The following DENND11 variants were observed in gnomAD, a reference collection of about 807,000 sequenced individuals.
The protein encoded by DENND11 is DENN domain-containing protein 11.
In DENND11, 34 loss-of-function variants were observed where a neutral mutation model predicts 49.2. The ratio of observed to expected loss-of-function variants is 0.69; its 90% CI spans 0.53 to 0.92. The LOEUF (loss-of-function observed/expected upper bound fraction) is 0.92. Ranked by LOEUF, DENND11 falls within the 40% of genes least tolerant of loss-of-function variation. The probability of loss-of-function intolerance (pLI) is 0.00; values close to 1 mark genes in which losing one functional copy is unlikely to be tolerated. For missense variants in DENND11, 475 were observed against 581.6 expected (o/e 0.82, Z 1.88); for synonymous variants, 238 against 230.3 (o/e 1.03, Z -0.30).
intron 1 of DENND11, among the ~76,000 whole-genome samples, chr7:141,689,769 T>G (rs1798296222): frequency 6.6e-6 from 1 of 152,218 alleles, no homozygotes; most frequent in South Asian, 2.1e-4. Flanking sequence ...TGAATTAGCT[T>G]AGCCTCTTCT....
chr7:141,694,295 GGATTGCCCA>G (rs1234048312), intron 1 of DENND11, among the ~76,000 whole-genome samples: 3 of 152,056 alleles, frequency 2.0e-5, no homozygotes, highest in Non-Finnish European at 4.4e-5. Flanking sequence ...TTAAGAGACA[GGATTGCCCA>G]GGCTGGAGTG....
chr7:141,686,186 T>TA (rs1160440908), intron 2 of DENND11, among the ~76,000 whole-genome samples: 5 of 152,172 alleles, frequency 3.3e-5, no homozygotes, highest in Non-Finnish European at 5.9e-5. Flanking sequence ...TACACAGGAC[T>TA]AAAAAATGGC....
At chr7:141,674,771 A>G (rs777631067) in intron 3 of DENND11, among the ~76,000 whole-genome samples, 7 of 152,204 alleles carry the variant, frequency 4.6e-5, no homozygotes, top group Non-Finnish European at 8.8e-5. Flanking sequence ...ATAATAATAA[A>G]GAAATAAAAA....
intron 3 of DENND11, among the ~76,000 whole-genome samples, chr7:141,684,538 ATTT>A (rs929711040): frequency 6.6e-5 from 10 of 152,184 alleles, no homozygotes; most frequent in African/African-American, 2.4e-4. Flanking sequence ...ATATGAGAGG[ATTT>A]TTAAAAATCC....
rs1448455258 is a variant in DENND11, at chr7:141,701,998, G to C, written c.156C>G (p.Pro52=). The C allele has an allele frequency of 1.8e-6, 2 of 1,137,720 alleles. No homozygotes were observed. The highest frequency in any genetic ancestry group is 1.6e-5 in the African/African-American group (1 of 60,676). The allele number at this position is 1,137,720 out of a possible 1,614,324, so 70.5% of individuals were successfully genotyped here. ...GCACCTCCGGGGCGGCCGGCTCCTCGGGCTCCCGCCTCCGGGGCGGCTCCG... is the reference window on the plus strand; with the variant it reads ...GCACCTCCGGGGCGGCCGGCTCCTCCGGCTCCCGCCTCCGGGGCGGCTCCG... ...PAAEPPRRRE[P]EEPAAPEVLL... Residue 52 remains proline (P), a synonymous_variant, in exon 1 of 9, where the codon CCC becomes CCG. Transcript: ENST00000536163.
chr7:141,697,930 A>G (rs1798442325), intron 1 of DENND11, among the ~76,000 whole-genome samples: 1 of 152,206 alleles, frequency 6.6e-6, no homozygotes, highest in Non-Finnish European at 1.5e-5. Flanking sequence ...GTAGAAATTC[A>G]TTCCCAAGAA....
chr7:141,682,347 A>C (rs1158487759), intron 3 of DENND11, among the ~76,000 whole-genome samples: 4 of 152,172 alleles, frequency 2.6e-5, no homozygotes, highest in Non-Finnish European at 5.9e-5. Flanking sequence ...ACTTTTTCTC[A>C]AAGTCAAGTC....
intron 1 of DENND11, 97 bp downstream of exon 1, chr7:141,701,789 A>C: frequency 4.1e-6 from 4 of 981,096 alleles, no homozygotes; most frequent in African/African-American, 1.7e-5. Context: ...CGGGGCCGGG[A>C]GGGCAGGTGC....
intron 2 of DENND11, among the ~76,000 whole-genome samples, chr7:141,686,180 C>T (rs1032345180): frequency 6.6e-6 from 1 of 152,186 alleles, no homozygotes; most frequent in Admixed American, 6.5e-5. Context: ...CCCCACTACA[C>T]AGGACTAAAA....
chr7:141,662,812 C>A lies in DENND11; in HGVS notation c.1212G>T (p.Leu404Phe), dbSNP rs1233309300. Residue 404 changes from leucine to phenylalanine, a missense_variant, in exon 9 of 9, where the codon TTG (leucine) becomes TTT (phenylalanine). Transcript: ENST00000536163. ...TGTCTTGACTGGCAGACACCTCCAA[C>A]AAAGTCTGAAATATCCGGTTGTTTT... ...LEQNNRIFQT[L>F]LEVSASQDKT... 1.3e-6 allele frequency: 2 copies of A among 1,587,960 alleles called. No individual in the cohort carries two copies. The highest frequency in any genetic ancestry group is 1.7e-6 in the Non-Finnish European group (2 of 1,166,724).
chr7:141,670,135 T>C (rs932617094), intron 4 of DENND11, among the ~76,000 whole-genome samples: 1 of 152,074 alleles, frequency 6.6e-6, no homozygotes, highest in Admixed American at 6.5e-5. Context: ...TTAAGTACTG[T>C]CATTTTTTTT....
At chr7:141,680,346 T>C (rs1004554053) in intron 3 of DENND11, among the ~76,000 whole-genome samples, 1 of 152,012 alleles carries the variant, frequency 6.6e-6, no homozygotes, top group Non-Finnish European at 1.5e-5. Flanking sequence ...AGAATATACA[T>C]TTGTATTTGT....
chr7:141,674,549 G>C (rs1798036601), intron 3 of DENND11, among the ~76,000 whole-genome samples: 1 of 152,140 alleles, frequency 6.6e-6, no homozygotes, highest in Admixed American at 6.5e-5. Flanking sequence ...CGGAGACTGG[G>C]TGCCACTTCC....
At chr7:141,686,537 A>C in intron 2 of DENND11, 22 bp downstream of exon 2, 1 of 1,481,868 alleles carries the variant, frequency 6.7e-7, no homozygotes, top group Non-Finnish European at 9.4e-7. Context: ...TACGAAGATG[A>C]CTCCAGTTCA....
intron 4 of DENND11, among the ~76,000 whole-genome samples, chr7:141,669,418 T>C (rs530237530): frequency 5.7e-4 from 87 of 152,070 alleles, no homozygotes; most frequent in African/African-American, 1.8e-3. Context: ...TGGCTAATTT[T>C]TCCATTTTTA....
chr7:141,701,195 G>A (rs1798506020), intron 1 of DENND11, among the ~76,000 whole-genome samples: 1 of 152,040 alleles, frequency 6.6e-6, no homozygotes, highest in African/African-American at 2.4e-5. Flanking sequence ...AAGCATCTCC[G>A]AAAGACAGCC....
Position 141,660,053 on chromosome 7 carries a change from T to A in DENND11, c.*2603A>T, listed in dbSNP as rs546514431. The A allele has an allele frequency of 1.3e-5, 2 of 152,292 alleles. No homozygotes were observed. Among genetic ancestry groups the A allele is most frequent in the African/African-American group, 4.8e-5 (2 of 41,560 alleles). 9.4% of individuals were successfully genotyped at this position (152,292 alleles called of 1,614,324 possible). A position where few individuals can be genotyped will look rare whatever the true frequency, so the allele number is the denominator to read the frequency against. On this transcript the variant is annotated 3_prime_UTR_variant, in exon 9 of 9. Transcript: ENST00000536163. ...TCATGTTGGGGAGCAGAATCTGGCA[T>A]AGAGCAAGGCTTCGAAAGGTGATTT... is the stretch of plus-strand genomic sequence containing the variant.
At chr7:141,700,617 C>T (rs970390344) in intron 1 of DENND11, among the ~76,000 whole-genome samples, 3 of 152,006 alleles carry the variant, frequency 2.0e-5, no homozygotes, top group Non-Finnish European at 4.4e-5. Flanking sequence ...ATTAACTTCA[C>T]ATGATAGATC....
At chr7:141,673,445 C>T (rs1491003732) in intron 4 of DENND11, among the ~76,000 whole-genome samples, 1 of 152,156 alleles carries the variant, frequency 6.6e-6, no homozygotes, top group East Asian at 1.9e-4. Context: ...GGACTGCGTC[C>T]TCTCCTAAGG....
Sources: allele counts gnomAD v4.1 joint callset (sites outside exome capture counted in the v4.1 genomes callset), GRCh38; gene constraint gnomAD v4.1.1; transcripts MANE v1.5; gene names NCBI Gene and HGNC (gene_info 2026-07-23, HGNC 2026-07-21).